The following GTF3C1 variants were observed in gnomAD, a reference collection of about 807,000 sequenced individuals.
The protein encoded by GTF3C1 is general transcription factor 3C polypeptide 1.
Under a neutral mutation model 226.7 loss-of-function variants are expected in GTF3C1, and 57 were observed. That is an observed-to-expected ratio of 0.25 (90% CI 0.20 to 0.31). GTF3C1 has a LOEUF of 0.31. Ranked by LOEUF, GTF3C1 falls within the 10% of genes least tolerant of loss-of-function variation. The probability of loss-of-function intolerance (pLI) is 1.00; values close to 1 mark genes in which losing one functional copy is unlikely to be tolerated. For missense variants in GTF3C1, 2,217 were observed against 2,776.1 expected, an observed-to-expected ratio of 0.80 and a Z score of 4.53; for synonymous variants, 1,090 against 1,084.8, an observed-to-expected ratio of 1.00 and a Z score of -0.09.
Position 27,539,280 on chromosome 16 carries a change from A to G in GTF3C1, c.432-924T>C, listed in dbSNP as rs185259101. Among the ~76,000 whole-genome samples, 37 of 152,324 alleles carry G rather than the reference A, an allele frequency of 2.4e-4. 1 individual carries two copies. The East Asian group carries it at 3.5e-3, about 14-fold the overall frequency. On this transcript the variant is annotated intron_variant, in intron 2 of 36. Coordinates refer to ENST00000356183, the MANE Select transcript of GTF3C1 (RefSeq NM_001520.4). ...CTGTTGAAGGCCAGACCTTGCCTTCAAATCATTAGTTCCTTCCTCTAAATT... is the reference window on the plus strand; with the variant it reads ...CTGTTGAAGGCCAGACCTTGCCTTCGAATCATTAGTTCCTTCCTCTAAATT...
At chr16:27,538,042 G>C (rs2089026669) in intron 3 of GTF3C1, 115 bp from the exon 4 acceptor site, 3 of 1,348,758 alleles carry the variant, frequency 2.2e-6, no homozygotes, top group South Asian at 1.4e-5. Context: ...GCCAACCTAA[G>C]AAAACAGTCA....
intron 23 of GTF3C1, 87 bp from the exon 24 acceptor site, chr16:27,486,241 C>G: frequency 1.4e-6 from 1 of 708,828 alleles, no homozygotes. Context: ...CCCTACCCAG[C>G]CAGTGAGATG....
chr16:27,501,158 C>T (rs774389547), intron 12 of GTF3C1, 33 bp downstream of exon 12: 15 of 1,585,546 alleles, frequency 9.5e-6, no homozygotes, highest in Non-Finnish European at 1.7e-6. Flanking sequence ...CAGCACGAGG[C>T]TGGCTCTGGG....
At chr16:27,545,289 A>G in intron 2 of GTF3C1, 25 bp downstream of exon 2, 1 of 1,558,398 alleles carries the variant, frequency 6.4e-7, no homozygotes, top group Non-Finnish European at 8.9e-7. Context: ...ATTCCCAGGA[A>G]TTTCTGATGG....
intron 14 of GTF3C1, among the ~76,000 whole-genome samples, chr16:27,496,371 G>A (rs977144211): frequency 9.2e-5 from 14 of 152,170 alleles, no homozygotes; most frequent in Non-Finnish European, 1.9e-4. Context: ...CTGGCTTGAT[G>A]AGAACTGTGC....
chr16:27,514,545 C>T (rs2088627688), intron 6 of GTF3C1, among the ~76,000 whole-genome samples: 1 of 152,150 alleles, frequency 6.6e-6, no homozygotes, highest in Non-Finnish European at 1.5e-5. Flanking sequence ...CCCCCCTAGA[C>T]TGTCCTCTAG....
chr16:27,483,249 T>A, intron 25 of GTF3C1, 124 bp from the exon 26 acceptor site: 1 of 870,028 alleles, frequency 1.1e-6, no homozygotes. Flanking sequence ...GTTACTTATA[T>A]GCCTGTTGCA....
Position 27,463,843 on chromosome 16 carries a change from C to T in GTF3C1, c.5873-251G>A. On this transcript the variant is annotated intron_variant, in intron 34 of 36. Transcript: ENST00000356183. This position sits in a 1 kb window ranked among gnomAD's most constrained non-coding sequence, Gnocchi z 4.9. The stretch of plus-strand genomic sequence containing the variant: ...CGGACAAGCCCCACATTGCAGGAAG[C>T]CAGCGAACACCTCATTTTCCACCCA... The T allele has an allele frequency of 9.4e-6, 5 of 532,134 alleles. No homozygotes were observed. Among genetic ancestry groups the T allele is most frequent in the Non-Finnish European group, 1.6e-5 (5 of 304,794 alleles). 33.0% of individuals were successfully genotyped at this position (532,134 alleles called of 1,614,324 possible). A position where few individuals can be genotyped will look rare whatever the true frequency, so the allele number is the denominator to read the frequency against.
At chr16:27,518,920 C>T (rs1289771260) in intron 6 of GTF3C1, among the ~76,000 whole-genome samples, 1 of 152,184 alleles carries the variant, frequency 6.6e-6, no homozygotes, top group Admixed American at 6.5e-5. Context: ...AGGGCCCTAG[C>T]GTAACACTTG....
chr16:27,471,979 G>A lies in GTF3C1; in HGVS notation c.4354-59C>T. The A allele has an allele frequency of 6.6e-7, 1 of 1,506,292 alleles. No individual in the cohort carries two copies. The highest frequency in any genetic ancestry group is 9.2e-7 in the Non-Finnish European group (1 of 1,085,974). 93.3% of individuals were successfully genotyped at this position (1,506,292 alleles called of 1,614,324 possible). A position where few individuals can be genotyped will look rare whatever the true frequency, so the allele number is the denominator to read the frequency against. On this transcript the variant is annotated intron_variant, in intron 29 of 36. Coordinates refer to ENST00000356183, the MANE Select transcript of GTF3C1 (RefSeq NM_001520.4). This position sits in a 1 kb window ranked among gnomAD's most constrained non-coding sequence, Gnocchi z 5.0. ...CTCCAGCCGGCCACGGAGAGGGCTG[G>A]GGTATGTGGAGGCAGAGGCTGCGGC...
intron 7 of GTF3C1, among the ~76,000 whole-genome samples, chr16:27,510,181 C>T (rs955733378): frequency 5.9e-5 from 9 of 152,098 alleles, no homozygotes; most frequent in South Asian, 4.1e-4. Context: ...GTCAAGAGAT[C>T]GAGACCATCC....
Position 27,537,810 on chromosome 16 carries a change from G to A in GTF3C1, c.726C>T (p.Leu242=). Residue 242 remains leucine, a synonymous_variant, in exon 4 of 37, where the codon CTC becomes CTT. Coordinates refer to ENST00000356183, the MANE Select transcript of GTF3C1 (RefSeq NM_001520.4). ...PTGAQQHSIL[L]LLNRFHVDRR... ...TGTCCACATGAAACCGGTTCAGTAG[G>A]AGGAGGATTGAGTGTTGCTGGGCTC... The A allele has an allele frequency of 6.2e-7, 1 of 1,611,972 alleles. No individual in the cohort carries two copies. Among genetic ancestry groups the A allele is most frequent in the Non-Finnish European group, 8.5e-7 (1 of 1,178,070 alleles).
At position 27,464,747 on chromosome 16, in the gene GTF3C1, G is replaced by T. The variant is rs748624940; in HGVS notation, c.5445C>A (p.His1815Gln). Residue 1815 changes from histidine (H) to glutamine (Q), a missense_variant, in exon 34 of 37, where the codon CAC (histidine) becomes CAA (glutamine). Physicochemically the swap from His to Gln is conservative, Grantham distance 24 (BLOSUM62 0). Around this residue, in one of 12 missense-constraint regions of GTF3C1, gnomAD observed 455 missense variants for 441.9 expected, o/e 1.03. Coordinates refer to ENST00000356183, the MANE Select transcript of GTF3C1 (RefSeq NM_001520.4). ...AMGSAWPWLL[H>Q]SVRLKDREDA... ...CTTCTCTGTCTTTCAGCCGCACGGAGTGCAGGAGCCAAGGCCAGGCAGAGC... is the reference window on the plus strand; with the variant it reads ...CTTCTCTGTCTTTCAGCCGCACGGATTGCAGGAGCCAAGGCCAGGCAGAGC... The T allele has an allele frequency of 2.5e-6, 4 of 1,591,458 alleles. No individual in the cohort carries two copies. The East Asian group carries it at 9.0e-5, about 36-fold the overall frequency.
chr16:27,468,949 G>A lies in GTF3C1; in HGVS notation c.5074+342C>T, dbSNP rs999238876. On this transcript the variant is annotated intron_variant, in intron 32 of 36. Coordinates refer to ENST00000356183, the MANE Select transcript of GTF3C1 (RefSeq NM_001520.4). ...GCTAAGCACCAGGAGACTAGAGCCC[G>A]GGCAGTGACAGGGCCGCCCGTGGAG... Among the ~76,000 whole-genome samples the A allele has an allele frequency of 3.9e-5, 6 of 152,254 alleles. No individual in the cohort carries two copies. In the South Asian group the frequency reaches 8.3e-4, roughly 21 times the overall value.
rs118125449 is a variant in GTF3C1, at chr16:27,493,888, C to A, written c.2779-592G>T. Among the ~76,000 whole-genome samples, 47 of 150,912 alleles carry A rather than the reference C, an allele frequency of 3.1e-4. 1 individual carries two copies. The highest frequency in any genetic ancestry group is 8.5e-4 in the African/African-American group (35 of 41,228). Reference sequence around the variant, plus strand: ...CAAAAAATACAAAACATTCTTTAGTCAAAAGCACAGACAATAAAAGAGTGA... The same window carrying A: ...CAAAAAATACAAAACATTCTTTAGTAAAAAGCACAGACAATAAAAGAGTGA... On this transcript the variant is annotated intron_variant, in intron 16 of 36. Coordinates refer to ENST00000356183, the MANE Select transcript of GTF3C1 (RefSeq NM_001520.4).
chr16:27,503,446 T>C (rs1017722447), intron 10 of GTF3C1, among the ~76,000 whole-genome samples: 4 of 152,222 alleles, frequency 2.6e-5, no homozygotes, highest in Admixed American at 2.6e-4. Context: ...CAGGGCTCTG[T>C]GTGGCTAACT....
At chr16:27,483,177 G>A in intron 25 of GTF3C1, 52 bp from the exon 26 acceptor site, 3 of 1,537,112 alleles carry the variant, frequency 2.0e-6, no homozygotes, top group Non-Finnish European at 2.7e-6. Flanking sequence ...TGATGCCCAT[G>A]TTCAGAACCT....
chr16:27,466,520 T>C (rs188256839), intron 32 of GTF3C1, among the ~76,000 whole-genome samples: 1 of 152,274 alleles, frequency 6.6e-6, no homozygotes, highest in Non-Finnish European at 1.5e-5. Context: ...CACAACAATA[T>C]TGAAGTCAGG....
intron 27 of GTF3C1, among the ~76,000 whole-genome samples, chr16:27,480,324 G>A (rs1257990033): frequency 6.6e-6 from 1 of 152,092 alleles, no homozygotes; most frequent in Non-Finnish European, 1.5e-5. Context: ...TGGAATTCTG[G>A]GGAACAGTCT....
Sources: allele counts gnomAD v4.1 joint callset (sites outside exome capture counted in the v4.1 genomes callset), GRCh38; gene constraint gnomAD v4.1.1; regional missense constraint gnomAD v4.1.1; non-coding constraint Gnocchi (gnomAD v3.1); transcripts MANE v1.5; gene names NCBI Gene and HGNC (gene_info 2026-07-23, HGNC 2026-07-21).